ANKRD30A: variants seen among roughly 807,000 people sequenced by gnomAD.
ANKRD30A encodes the protein ankyrin repeat domain-containing protein 30A.
A neutral mutation model predicts 166.3 loss-of-function variants in ANKRD30A; 170 were observed. That is an observed-to-expected ratio of 1.02 (90% CI 0.90 to 1.16). The LOEUF is 1.16. ANKRD30A is among the 50% of genes most tolerant of loss of function. The probability of loss-of-function intolerance (pLI) is 0.00; values close to 1 mark genes in which losing one functional copy is unlikely to be tolerated. For missense variants in ANKRD30A, 1,630 were observed against 1,518.0 expected, an observed-to-expected ratio of 1.07 and a Z score of -1.23; for synonymous variants, 564 against 508.9, an observed-to-expected ratio of 1.11 and a Z score of -1.46.
At chr10:37,167,295 T>TAA (rs1839431255) in intron 19 of ANKRD30A, among the ~76,000 whole-genome samples, 1 of 141,794 alleles carries the variant, frequency 7.1e-6, no homozygotes, top group Admixed American at 6.8e-5. Flanking sequence ...CAAATATATA[T>TAA]ATATATAGAT....
intron 19 of ANKRD30A, 36 bp downstream of exon 19, chr10:37,166,731 A>C (rs762646637): frequency 1.2e-6 from 2 of 1,608,036 alleles, no homozygotes; most frequent in Non-Finnish European, 1.7e-6. Context: ...TCATTTGACC[A>C]AATATTTCTC....
intron 31 of ANKRD30A, among the ~76,000 whole-genome samples, chr10:37,209,486 G>A (rs144004701): frequency 6.6e-6 from 1 of 152,212 alleles, no homozygotes; most frequent in African/African-American, 2.4e-5. Context: ...GATCACTATT[G>A]TGAGTACAGC....
chr10:37,157,977 T>C (rs1228799085), intron 13 of ANKRD30A, among the ~76,000 whole-genome samples: 2 of 151,980 alleles, frequency 1.3e-5, no homozygotes, highest in Non-Finnish European at 2.9e-5. Flanking sequence ...GATTCTGACG[T>C]GTTTCCTTAA....
Position 37,125,781 on chromosome 10 carries a change from C to G in ANKRD30A, c.-7C>G, listed in dbSNP as rs1588729444. On this transcript the variant is annotated 5_prime_UTR_variant, in exon 1 of 36. Transcript: ENST00000361713. ...GCGCGGGCACTCTCTAGCAGGTGGC[C>G]GCAGCCATGGAGGAGATCTCTGCCG... The G allele has an allele frequency of 4.7e-6, 3 of 643,786 alleles. No homozygotes were observed. The highest frequency in any genetic ancestry group is 5.6e-5 in the Admixed American group (2 of 35,528). The allele number at this position is 643,786 out of a possible 1,614,324, so 39.9% of individuals were successfully genotyped here.
At chr10:37,144,924 A>G (rs1210725607) in intron 7 of ANKRD30A, 71 bp from the exon 8 acceptor site, 1 of 1,166,434 alleles carries the variant, frequency 8.6e-7, no homozygotes, top group African/African-American at 1.6e-5. Context: ...ATGAAAATAG[A>G]TTTGTATATG....
At chr10:37,204,555 T>C (rs1023086954) in intron 31 of ANKRD30A, among the ~76,000 whole-genome samples, 11 of 152,284 alleles carry the variant, frequency 7.2e-5, no homozygotes, top group African/African-American at 2.6e-4. Context: ...GACAAAGGCA[T>C]GGGCAAAGTC....
rs1379303096 is a variant in ANKRD30A, at chr10:37,141,886, C to A, written c.989C>A (p.Ser330Tyr). The change falls in exon 7 of 36, where the codon TCC (serine) becomes TAC (tyrosine). Residue 330 changes from serine (S) to tyrosine (Y), a missense_variant. Coordinates refer to ENST00000361713, the MANE Select transcript of ANKRD30A (RefSeq NM_052997.3). Reference protein sequence around the residue: ...LVEKTPDEAASLVEGTSDKIQ... With the variant: ...LVEKTPDEAAYLVEGTSDKIQ... ...GAAAAAACACCTGATGAGGCTGCAT[C>A]CTTGGTGGAGGGAACATCTGACAAA... 2 of 1,614,060 alleles carry A rather than the reference C, an allele frequency of 1.2e-6. No homozygotes were observed. The highest frequency in any genetic ancestry group is 1.7e-6 in the Non-Finnish European group (2 of 1,180,014).
chr10:37,210,446 T>G (rs1367959895), intron 31 of ANKRD30A, among the ~76,000 whole-genome samples: 1 of 152,194 alleles, frequency 6.6e-6, no homozygotes, highest in African/African-American at 2.4e-5. Flanking sequence ...TGTGTCTTTA[T>G]AATAGAATGA....
intron 15 of ANKRD30A, 49 bp downstream of exon 15, chr10:37,158,635 A>G (rs1382938109): frequency 6.3e-7 from 1 of 1,599,606 alleles, no homozygotes; most frequent in Non-Finnish European, 8.5e-7. Context: ...ATATTAAAAT[A>G]TTTGAAATGC....
intron 31 of ANKRD30A, among the ~76,000 whole-genome samples, chr10:37,201,733 A>G (rs1002238254): frequency 2.6e-5 from 4 of 152,078 alleles, no homozygotes; most frequent in Non-Finnish European, 4.4e-5. Context: ...GGAAGAATAT[A>G]AAGTGACCTT....
intron 7 of ANKRD30A, 136 bp downstream of exon 7, chr10:37,142,426 T>C (rs189201909): frequency 4.0e-6 from 3 of 744,294 alleles, no homozygotes; most frequent in East Asian, 2.8e-5. Flanking sequence ...TTTAATAGTA[T>C]AGGAATAAGT....
At chr10:37,196,335 A>G (rs1182151223) in intron 27 of ANKRD30A, among the ~76,000 whole-genome samples, 1 of 152,088 alleles carries the variant, frequency 6.6e-6, no homozygotes, top group African/African-American at 2.4e-5. Flanking sequence ...TTCTGTTACA[A>G]TGAGGCATGA....
At chr10:37,126,155 G>C (rs562637881) in intron 1 of ANKRD30A, 147 bp downstream of exon 1, 1 of 837,160 alleles carries the variant, frequency 1.2e-6, no homozygotes, top group South Asian at 1.7e-5. Flanking sequence ...CTGGGCCCTC[G>C]GGTCTAGGCC....
At chr10:37,159,767 C>T (rs1338962514) in intron 15 of ANKRD30A, among the ~76,000 whole-genome samples, 1 of 152,144 alleles carries the variant, frequency 6.6e-6, no homozygotes, top group East Asian at 1.9e-4. Flanking sequence ...GCGATCTCGG[C>T]TCACGCAAGC....
chr10:37,219,523 G>T lies in ANKRD30A; in HGVS notation c.3811G>T (p.Gly1271Ter). Residue 1271 changes from glycine (G) to a stop codon, truncating the protein, a stop_gained, in exon 34 of 36, where the codon GGA becomes TGA. Coordinates refer to ENST00000361713, the MANE Select transcript of ANKRD30A (RefSeq NM_052997.3). LOFTEE classifies it high-confidence loss of function. ...KSLKINLNYA[G>*]DALRENTLVS... ...CCTAAAAATTAATCTCAATTATGCA[G>T]GAGATGCTCTAAGAGAAAATACATT... The T allele has an allele frequency of 6.2e-7, 1 of 1,610,130 alleles. No homozygotes were observed. Among genetic ancestry groups the T allele is most frequent in the Non-Finnish European group, 8.5e-7 (1 of 1,177,612 alleles).
rs1489575356 is a variant in ANKRD30A, at chr10:37,193,093, G to C, written c.2541+1G>C. 1 of 1,605,764 alleles carries C rather than the reference G, an allele frequency of 6.2e-7. No homozygotes were observed. Among genetic ancestry groups the C allele is most frequent in the Admixed American group, 1.7e-5 (1 of 59,910 alleles). ...TCCTGATAATGATGGTTTTCTGAAG[G>C]TAATAACTTTTATATTTTTATCTTG... On this transcript the variant is annotated splice_donor_variant, in intron 26 of 35. Transcript: ENST00000361713. LOFTEE classifies it high-confidence loss of function.
At chr10:37,255,434 G>A in the ANKRD30A span, among the ~76,000 whole-genome samples, 1 of 152,070 alleles carries the variant, frequency 6.6e-6, no homozygotes, top group African/African-American at 2.4e-5. Flanking sequence ...ATGGTTTTAT[G>A]GTTTTGGTTC....
chr10:37,259,658 A>G, the ANKRD30A span, among the ~76,000 whole-genome samples: 1 of 152,242 alleles, frequency 6.6e-6, no homozygotes, highest in Non-Finnish European at 1.5e-5. Context: ...ACTATAGAGC[A>G]ATGAAAATAA....
At chr10:37,257,817 G>C in the ANKRD30A span, among the ~76,000 whole-genome samples, 1 of 152,136 alleles carries the variant, frequency 6.6e-6, no homozygotes, top group Admixed American at 6.6e-5. Context: ...CCTTTGCAGG[G>C]ACATGGATGA....
Sources: gnomAD v4.1 joint callset for allele counts (sites outside exome capture counted in the v4.1 genomes callset) on GRCh38, gnomAD v4.1.1 for gene constraint, MANE v1.5 for transcripts, NCBI Gene and HGNC (gene_info 2026-07-23, HGNC 2026-07-21) for gene names.